Variants in SNW1 observed in about 807,000 individuals in gnomAD.
SNW1 encodes SNW domain containing 1.
In SNW1, 9 loss-of-function variants were observed where a neutral mutation model predicts 75.6. That is an observed-to-expected ratio of 0.12 (90% CI 0.07 to 0.21). The LOEUF (loss-of-function observed/expected upper bound fraction) is 0.21. SNW1 is among the 10% of genes least tolerant of loss of function. SNW1 has a pLI of 1.00. For missense variants in SNW1, 409 were observed against 670.9 expected (o/e 0.61, Z 4.31); for synonymous variants, 200 against 219.1 (o/e 0.91, Z 0.77).
At chr14:77,731,645 C>A (rs2080627920) in intron 9 of SNW1, among the ~76,000 whole-genome samples, 1 of 152,192 alleles carries the variant, frequency 6.6e-6, no homozygotes, top group Non-Finnish European at 1.5e-5. Context: ...TAAGGGTACT[C>A]ACTGTGATAC....
At chr14:77,732,756 CT>C (rs2080637351) in intron 8 of SNW1, among the ~76,000 whole-genome samples, 155 bp from the exon 9 acceptor site, 1 of 152,154 alleles carries the variant, frequency 6.6e-6, no homozygotes, top group Non-Finnish European at 1.5e-5. Context: ...CCTCTGCCTC[CT>C]GGGTTCAAGC....
Position 77,728,512 on chromosome 14 carries a change from T to G in SNW1, c.1033+2476A>C, listed in dbSNP as rs188006506. Among the ~76,000 whole-genome samples the G allele has an allele frequency of 4.5e-3, 688 of 152,294 alleles. 3 individuals are homozygous for G. Among genetic ancestry groups the G allele is most frequent in the Non-Finnish European group, 7.4e-3 (503 of 68,028 alleles). On this transcript the variant is annotated intron_variant, in intron 10 of 13. Transcript: ENST00000261531. ...GAAAAAAGGAATTATGCATAATGTT[T>G]CCCTTATATTTTCAAAGATTCTATT... is the stretch of plus-strand genomic sequence containing the variant.
At chr14:77,723,031 T>TA in intron 11 of SNW1, 150 bp downstream of exon 11, 2 of 635,610 alleles carry the variant, frequency 3.1e-6, no homozygotes, top group Non-Finnish European at 5.6e-6. Context: ...GTACTTTTAG[T>TA]AGACACAGGG....
At chr14:77,731,716 A>G (rs1337331075) in intron 9 of SNW1, among the ~76,000 whole-genome samples, 3 of 152,200 alleles carry the variant, frequency 2.0e-5, no homozygotes, top group African/African-American at 7.2e-5. Context: ...TCAATATCAC[A>G]TATTAATTCC....
intron 3 of SNW1, among the ~76,000 whole-genome samples, chr14:77,742,114 C>A (rs1202318267): frequency 6.6e-6 from 1 of 152,034 alleles, no homozygotes; most frequent in Admixed American, 6.6e-5. Context: ...TCATAGCAAC[C>A]TCCGCCTCCC....
intron 1 of SNW1, chr14:77,760,805 G>A (rs1432972307): frequency 5.6e-6 from 4 of 712,658 alleles, no homozygotes; most frequent in African/African-American, 3.5e-5. Flanking sequence ...CCCGAGCCGC[G>A]GACCTGAGGG....
intron 2 of SNW1, among the ~76,000 whole-genome samples, chr14:77,754,414 C>A (rs2080829707): frequency 6.6e-6 from 1 of 152,078 alleles, no homozygotes; most frequent in Admixed American, 6.6e-5. Context: ...TCCCTCATTG[C>A]CTTCAAATCA....
intron 2 of SNW1, among the ~76,000 whole-genome samples, chr14:77,752,953 C>T (rs2080819579): frequency 6.6e-6 from 1 of 152,102 alleles, no homozygotes; most frequent in African/African-American, 2.4e-5. Flanking sequence ...GCTTCCCGTA[C>T]CCAAGCCATC....
chr14:77,741,498 G>A (rs1198017503), intron 3 of SNW1, among the ~76,000 whole-genome samples: 1 of 152,124 alleles, frequency 6.6e-6, no homozygotes, highest in Non-Finnish European at 1.5e-5. Context: ...AGTGAGAAGA[G>A]GGATCAGGTA....
intron 12 of SNW1, 135 bp from the exon 13 acceptor site, chr14:77,718,665 C>T: frequency 1.8e-6 from 1 of 550,734 alleles, no homozygotes; most frequent in East Asian, 2.9e-5. Context: ...ATTAAAAAGT[C>T]TTCATTAAAA....
At chr14:77,750,302 C>T (rs1273476179) in intron 3 of SNW1, among the ~76,000 whole-genome samples, 1 of 152,168 alleles carries the variant, frequency 6.6e-6, no homozygotes, top group Non-Finnish European at 1.5e-5. Context: ...AGGACAAGTG[C>T]AGGATGAAGA....
chr14:77,740,159 G>GAAAAAAAAAAAAAAAAAAAAAAAAAAA (rs2080706732), intron 3 of SNW1, among the ~76,000 whole-genome samples: 1 of 89,298 alleles, frequency 1.1e-5, no homozygotes, highest in Non-Finnish European at 2.1e-5. Context: ...AAAAAAAAAA[G>GAAAAAAAAAAAAAAAAAAAAAAAAAAA]AGAGAGATAC....
Position 77,738,794 on chromosome 14 carries a change from G to A in SNW1, c.517C>T (p.Pro173Ser), listed in dbSNP as rs760114922. 1.2e-6 allele frequency: 2 copies of A among 1,613,500 alleles called. No homozygotes were observed. The highest frequency in any genetic ancestry group is 2.2e-5 in the East Asian group (1 of 44,890). The change falls in exon 5 of 14, where the codon CCT becomes TCT. Residue 173 changes from proline to serine, a missense_variant. Around this residue, in one of 9 missense-constraint regions of SNW1, gnomAD observed 70 missense variants for 136.7 expected, o/e 0.51. Transcript: ENST00000261531. ...MPVRAADKLAPAQYIRYTPSQ... is the reference protein window; with the variant it reads ...MPVRAADKLASAQYIRYTPSQ... ...GATTCATACCGGATATACTGAGCAG[G>A]AGCCAATTTGTCAGCTGCTCGAACT...
At chr14:77,754,781 T>C (rs1457605774) in intron 2 of SNW1, among the ~76,000 whole-genome samples, 186 bp downstream of exon 2, 2 of 152,168 alleles carry the variant, frequency 1.3e-5, no homozygotes, top group Non-Finnish European at 2.9e-5. Context: ...AAAGCAGTGA[T>C]AGATAATAAG....
At chr14:77,731,867 T>C (rs927040917) in intron 9 of SNW1, among the ~76,000 whole-genome samples, 17 of 152,310 alleles carry the variant, frequency 1.1e-4, no homozygotes, top group South Asian at 2.1e-4. Flanking sequence ...GCCTCCCAAG[T>C]AGCTAGGATT....
intron 10 of SNW1, among the ~76,000 whole-genome samples, chr14:77,730,415 G>GA (rs2080619079): frequency 6.6e-6 from 1 of 151,816 alleles, no homozygotes; most frequent in African/African-American, 2.4e-5. Context: ...CTAAATAAAT[G>GA]AAAGAATGAA....
intron 9 of SNW1, among the ~76,000 whole-genome samples, chr14:77,731,355 A>G (rs770840124): frequency 6.6e-6 from 1 of 152,208 alleles, no homozygotes; most frequent in Non-Finnish European, 1.5e-5. Flanking sequence ...AACTATCGTG[A>G]CCCCAATTAA....
At chr14:77,731,314 C>CT (rs1209570544) in intron 9 of SNW1, among the ~76,000 whole-genome samples, 185 bp from the exon 10 acceptor site, 10 of 152,350 alleles carry the variant, frequency 6.6e-5, no homozygotes, top group African/African-American at 2.4e-4. Context: ...GCAAGGTCAG[C>CT]TTTTTTCTCT....
At position 77,718,140 on chromosome 14, in the gene SNW1, C is replaced by T; in HGVS notation, c.1559G>A (p.Ser520Asn). The change falls in exon 14 of 14, where the codon AGC (serine) becomes AAC (asparagine). Residue 520 changes from serine (S) to asparagine (N), a missense_variant. Around this residue, in one of 9 missense-constraint regions of SNW1, gnomAD observed 24 missense variants for 31.0 expected, o/e 0.77. Transcript: ENST00000261531. ...ATGCTCGTGTTCCTTGGGGCGGCTG[C>T]TATCTGAGGGTCTTTTAGAGCCACC... ...QHGGSKRPSD[S>N]SRPKEHEHEG... 6.2e-7 allele frequency: 1 copy of T among 1,610,968 alleles called. No homozygotes were observed. Among genetic ancestry groups the T allele is most frequent in the Non-Finnish European group, 8.5e-7 (1 of 1,178,764 alleles).
Sources: allele counts gnomAD v4.1 joint callset (sites outside exome capture counted in the v4.1 genomes callset), GRCh38; gene constraint gnomAD v4.1.1; regional missense constraint gnomAD v4.1.1; transcripts MANE v1.5; gene names NCBI Gene and HGNC (gene_info 2026-07-23, HGNC 2026-07-21).